CNTNAP5: variants seen among roughly 807,000 people sequenced by gnomAD.
CNTNAP5 encodes the protein contactin-associated protein-like 5.
In CNTNAP5, 72 loss-of-function variants were observed where a neutral mutation model predicts 150.2. The ratio of observed to expected loss-of-function variants is 0.48; its 90% CI spans 0.40 to 0.58. The LOEUF is 0.58. Ranked by LOEUF, CNTNAP5 falls within the 20% of genes least tolerant of loss-of-function variation. CNTNAP5 has a pLI of 0.00. For missense variants in CNTNAP5, 1,636 were observed against 1,626.2 expected (o/e 1.01, Z -0.10); for synonymous variants, 672 against 619.8 (o/e 1.08, Z -1.25).
At chr2:124,469,643 T>TAGGTAAACATAGTCACATAGGTAAA (rs1693456899) in intron 6 of CNTNAP5, among the ~76,000 whole-genome samples, 1 of 152,102 alleles carries the variant, frequency 6.6e-6, no homozygotes, top group Admixed American at 6.6e-5. Context: ...TAAACATGTG[T>TAGGTAAACATAGTCACATAGGTAAA]CATAGTGATT....
intron 11 of CNTNAP5, among the ~76,000 whole-genome samples, chr2:124,593,141 T>A (rs1696738799): frequency 6.7e-6 from 1 of 149,228 alleles, no homozygotes; most frequent in Non-Finnish European, 1.5e-5. Flanking sequence ...TTATTATTAT[T>A]TTTTTAATTA....
intron 1 of CNTNAP5, among the ~76,000 whole-genome samples, chr2:124,192,354 C>A (rs1685479229): frequency 6.6e-6 from 1 of 152,118 alleles, no homozygotes; most frequent in Non-Finnish European, 1.5e-5. Context: ...ACACCAGCTG[C>A]CCCCTGCAGC....
At chr2:124,411,423 C>T (rs1256545143) in intron 3 of CNTNAP5, among the ~76,000 whole-genome samples, 1 of 151,510 alleles carries the variant, frequency 6.6e-6, no homozygotes, top group Admixed American at 6.6e-5. Context: ...GAGACACAAC[C>T]AAAAAAGAGA....
At chr2:124,330,208 C>T (rs1023030261) in intron 3 of CNTNAP5, among the ~76,000 whole-genome samples, 12 of 152,092 alleles carry the variant, frequency 7.9e-5, no homozygotes, top group African/African-American at 1.7e-4. Flanking sequence ...TAATATCAAC[C>T]TCAGTTCCTC....
At chr2:124,500,982 C>G (rs991190470) in intron 7 of CNTNAP5, among the ~76,000 whole-genome samples, 10 of 152,086 alleles carry the variant, frequency 6.6e-5, no homozygotes, top group African/African-American at 2.4e-4. Flanking sequence ...AGGAAAAGCA[C>G]TCAGACCCCA....
chr2:124,206,373 A>G (rs1209234499), intron 1 of CNTNAP5, among the ~76,000 whole-genome samples: 1 of 152,250 alleles, frequency 6.6e-6, no homozygotes, highest in Non-Finnish European at 1.5e-5. Flanking sequence ...AACAGTGCAG[A>G]TATGGCTTAC....
In CNTNAP5 at chr2:124,363,970, C is replaced by T. The variant is rs118001490; in HGVS notation, c.382-53473C>T. On this transcript the variant is annotated intron_variant, in intron 3 of 23. Transcript: ENST00000682447. ...CCATGACAATGTCCTGCTTCTACCA[C>T]GTATCTCCTTGGAGACTATTGTCAC... Among the ~76,000 whole-genome samples the T allele has an allele frequency of 3.3e-3, 495 of 152,276 alleles. 10 individuals are homozygous for T. In the East Asian group the frequency reaches 0.081, roughly 25 times the overall value.
intron 14 of CNTNAP5, among the ~76,000 whole-genome samples, chr2:124,759,517 T>TTTTTTTTTTTTTTTTTTGAG (rs1261663317): frequency 6.6e-6 from 1 of 150,958 alleles, no homozygotes; most frequent in African/African-American, 2.4e-5. Context: ...GTGGTATTTT[T>TTTTTTTTTTTTTTTTTTGAG]AAAATCAGTT....
chr2:124,163,510 A>T (rs1282850540), intron 1 of CNTNAP5, among the ~76,000 whole-genome samples: 1 of 152,078 alleles, frequency 6.6e-6, no homozygotes, highest in African/African-American at 2.4e-5. Flanking sequence ...ATGCTTCAGG[A>T]CAGAAATGCT....
chr2:124,045,395 T>C (rs1348819261), intron 1 of CNTNAP5, among the ~76,000 whole-genome samples: 1 of 151,868 alleles, frequency 6.6e-6, no homozygotes, highest in Non-Finnish European at 1.5e-5. Flanking sequence ...CCTCCCAGGT[T>C]CAAGTGATTC....
At chr2:124,462,095 G>A (rs1693269911) in intron 6 of CNTNAP5, among the ~76,000 whole-genome samples, 1 of 152,072 alleles carries the variant, frequency 6.6e-6, no homozygotes. Context: ...ATAAAAGGAG[G>A]ACACAGAGAA....
intron 13 of CNTNAP5, among the ~76,000 whole-genome samples, chr2:124,703,209 CCT>C (rs1679560459): frequency 1.7e-5 from 2 of 120,562 alleles, no homozygotes; most frequent in Non-Finnish European, 3.9e-5. Context: ...CTTCCTTCTC[CCT>C]CTCTTTCTTC....
intron 11 of CNTNAP5, among the ~76,000 whole-genome samples, chr2:124,581,071 G>A (rs1017479672): frequency 6.6e-6 from 1 of 152,142 alleles, no homozygotes; most frequent in Non-Finnish European, 1.5e-5. Flanking sequence ...AGCACAGATC[G>A]TGGGCTTGGG....
rs1436181471 is a variant in CNTNAP5, at chr2:124,061,903, C to T, written c.82+36171C>T. Among the ~76,000 whole-genome samples, 3 of 152,122 alleles carry T rather than the reference C, an allele frequency of 2.0e-5. No homozygotes were observed. In the East Asian group the frequency reaches 5.8e-4, roughly 29 times the overall value. On this transcript the variant is annotated intron_variant, in intron 1 of 23. Coordinates refer to ENST00000682447, the MANE Select transcript of CNTNAP5 (RefSeq NM_001367498.1). Reference sequence around the variant, plus strand: ...AATTCAAAGCCATCCTTTGCCCTCCCTCTTCATGATCCTACTATCCAATGA... The same window carrying T: ...AATTCAAAGCCATCCTTTGCCCTCCTTCTTCATGATCCTACTATCCAATGA...
At chr2:124,494,379 C>T (rs1036107028) in intron 7 of CNTNAP5, among the ~76,000 whole-genome samples, 4 of 152,004 alleles carry the variant, frequency 2.6e-5, no homozygotes, top group Admixed American at 6.6e-5. Flanking sequence ...AAGAGTACAT[C>T]CCAGCTCCTG....
intron 13 of CNTNAP5, among the ~76,000 whole-genome samples, chr2:124,652,639 G>C (rs1478358082): frequency 6.6e-6 from 1 of 152,182 alleles, no homozygotes; most frequent in Non-Finnish European, 1.5e-5. Context: ...AAGATGGAGA[G>C]GGGTATAGCA....
chr2:124,271,697 CTATCATCT>C (rs371544753), intron 3 of CNTNAP5, among the ~76,000 whole-genome samples: 27,722 of 127,110 alleles, frequency 0.22, 2,911 homozygotes, highest in Non-Finnish European at 0.26. Context: ...ATCTATCTAT[CTATCATCT>C]ATCTATCTAT....
At chr2:124,573,019 T>C (rs1351599951) in intron 11 of CNTNAP5, among the ~76,000 whole-genome samples, 2 of 152,216 alleles carry the variant, frequency 1.3e-5, no homozygotes, top group Non-Finnish European at 1.5e-5. Context: ...TTACACATAG[T>C]AGACAATCAC....
chr2:124,191,119 G>A (rs1045259078), intron 1 of CNTNAP5, among the ~76,000 whole-genome samples: 2 of 152,126 alleles, frequency 1.3e-5, no homozygotes, highest in Non-Finnish European at 2.9e-5. Flanking sequence ...TAAGGAATTT[G>A]CATGTTCAAA....
Sources: allele counts gnomAD v4.1 joint callset (sites outside exome capture counted in the v4.1 genomes callset), GRCh38; gene constraint gnomAD v4.1.1; transcripts MANE v1.5; gene names NCBI Gene and HGNC (gene_info 2026-07-23, HGNC 2026-07-21).